PAMR1: variants seen among roughly 807,000 people sequenced by gnomAD.
PAMR1 encodes peptidase domain containing associated with muscle regeneration 1, also known as inactive serine protease PAMR1.
In PAMR1, 88 loss-of-function variants were observed where a neutral mutation model predicts 81.8. The observed-to-expected ratio is 1.08, with a 90% CI of 0.91 to 1.28. The LOEUF (loss-of-function observed/expected upper bound fraction) is 1.28. Among genes scored for constraint, PAMR1 ranks in the 50% most tolerant of loss-of-function variants. The pLI is 0.00. For synonymous variants in PAMR1, 336 were observed against 345.3 expected, an observed-to-expected ratio of 0.97 and a Z score of 0.30; for missense variants, 935 against 919.7, an observed-to-expected ratio of 1.02 and a Z score of -0.21.
intron 1 of PAMR1, among the ~76,000 whole-genome samples, chr11:35,516,916 G>A (rs1435142620): frequency 3.9e-5 from 6 of 152,098 alleles, no homozygotes; most frequent in Admixed American, 3.3e-4. Context: ...ACAAATAATC[G>A]CAAGGGATTA....
Position 35,520,491 on chromosome 11 carries a change from A to C in PAMR1, c.73+5022T>G, listed in dbSNP as rs57475074. On this transcript the variant is annotated intron_variant, in intron 1 of 10. Transcript: ENST00000619888. ...GACAAACAGAATTCCTTAAACATAG[A>C]CCAGGCTTGGAATCTAATAGAGTTT... is the stretch of plus-strand genomic sequence containing the variant. Among the ~76,000 whole-genome samples, 811 of 152,290 alleles carry C rather than the reference A, an allele frequency of 5.3e-3. 7 individuals carry two copies. Among genetic ancestry groups the C allele is most frequent in the African/African-American group, 0.019 (784 of 41,546 alleles).
intron 3 of PAMR1, among the ~76,000 whole-genome samples, chr11:35,479,428 T>C (rs1850342071): frequency 1.3e-5 from 2 of 152,218 alleles, no homozygotes; most frequent in South Asian, 4.1e-4. Flanking sequence ...TTAAATGAGA[T>C]ATTGTATGTA....
intron 6 of PAMR1, among the ~76,000 whole-genome samples, chr11:35,466,760 T>C (rs1316898804): frequency 4.2e-5 from 6 of 144,076 alleles, no homozygotes. Flanking sequence ...AAAACATTAG[T>C]GAAAATTAAT....
intron 1 of PAMR1, among the ~76,000 whole-genome samples, chr11:35,507,050 T>C (rs1258194141): frequency 2.1e-5 from 3 of 140,680 alleles, no homozygotes; most frequent in African/African-American, 8.0e-5. Context: ...TTTTTTTTTT[T>C]TTTTTTTTTT....
intron 6 of PAMR1, among the ~76,000 whole-genome samples, chr11:35,453,838 C>T (rs1856471025): frequency 6.6e-6 from 1 of 152,142 alleles, no homozygotes; most frequent in Non-Finnish European, 1.5e-5. Context: ...CAAGGTCCTG[C>T]TTCACTAAGT....
chr11:35,500,151 C>G (rs2135407389), intron 1 of PAMR1, among the ~76,000 whole-genome samples: 1 of 152,330 alleles, frequency 6.6e-6, no homozygotes, highest in African/African-American at 2.4e-5. Context: ...TTTTAGACTT[C>G]TGACCTTCAC....
chr11:35,519,412 A>G (rs1760311), intron 1 of PAMR1, among the ~76,000 whole-genome samples: 94,949 of 149,720 alleles, frequency 0.63, 31,062 homozygotes, highest in East Asian at 0.97. Flanking sequence ...AGGAGCAGAC[A>G]TACACAATGT....
upstream of PAMR1, among the ~76,000 whole-genome samples, chr11:35,527,308 G>A (rs1851409369): frequency 6.6e-6 from 1 of 152,162 alleles, no homozygotes; most frequent in African/African-American, 2.4e-5. Flanking sequence ...AACCTACTTT[G>A]TAGATCACTG....
chr11:35,463,386 T>G (rs1436067928), intron 6 of PAMR1, among the ~76,000 whole-genome samples: 3 of 152,236 alleles, frequency 2.0e-5, no homozygotes, highest in African/African-American at 7.2e-5. Context: ...GTTAGCCTGT[T>G]TCATCGTCCT....
intron 8 of PAMR1, among the ~76,000 whole-genome samples, chr11:35,436,488 T>C (rs1164921638): frequency 6.6e-6 from 1 of 152,202 alleles, no homozygotes; most frequent in Admixed American, 6.5e-5. Context: ...TTTCATCATG[T>C]TGTCCAGGCA....
rs144144764 is a variant in PAMR1, at chr11:35,470,745, G to A, written c.568C>T (p.Arg190Cys). The change falls in exon 5 of 11, where the codon CGC (arginine) becomes TGC (cysteine). Residue 190 changes from arginine to cysteine, a missense_variant. Coordinates refer to ENST00000619888, the MANE Select transcript of PAMR1 (RefSeq NM_001001991.3). ...DYVEVRDGDNRDGQIIKRVCG... is the reference protein window; with the variant it reads ...DYVEVRDGDNCDGQIIKRVCG... Reference sequence around the variant, plus strand: ...ACACGCTTGATGATCTGGCCATCGCGGTTGTCTCCATCACGAACCTCAACA... The same window carrying A: ...ACACGCTTGATGATCTGGCCATCGCAGTTGTCTCCATCACGAACCTCAACA... 814 of 1,613,962 alleles carry A rather than the reference G, an allele frequency of 5.0e-4. No homozygotes were observed. The highest frequency in any genetic ancestry group is 5.3e-4 in the Non-Finnish European group (623 of 1,179,988).
chr11:35,498,554 A>G (rs1278859903), intron 1 of PAMR1, among the ~76,000 whole-genome samples: 3 of 152,242 alleles, frequency 2.0e-5, no homozygotes, highest in Non-Finnish European at 4.4e-5. Flanking sequence ...ATATTTCTCA[A>G]GGATATGGTT....
intron 1 of PAMR1, among the ~76,000 whole-genome samples, chr11:35,522,094 T>C (rs540868862): frequency 6.6e-6 from 1 of 152,226 alleles, no homozygotes; most frequent in East Asian, 1.9e-4. Flanking sequence ...AGCTAATTTT[T>C]TGTATTTTTA....
At chr11:35,502,056 G>A (rs566611848) in intron 1 of PAMR1, among the ~76,000 whole-genome samples, 43 of 152,010 alleles carry the variant, frequency 2.8e-4, no homozygotes, top group Non-Finnish European at 6.2e-4. Flanking sequence ...CTGTACCAGG[G>A]TCCCTCTTTA....
chr11:35,488,026 C>T lies in PAMR1; in HGVS notation c.379+4019G>A, dbSNP rs142521231. Among the ~76,000 whole-genome samples, 547 of 152,188 alleles carry T rather than the reference C, an allele frequency of 3.6e-3. 1 individual carries two copies. The highest frequency in any genetic ancestry group is 0.012 in the African/African-American group (498 of 41,520). ...TCAGCCTAGGACAGAAAAGGAAGCTCCCTCTCCTTTAACTCTCACTTTTGT... is the reference window on the plus strand; with the variant it reads ...TCAGCCTAGGACAGAAAAGGAAGCTTCCTCTCCTTTAACTCTCACTTTTGT... On this transcript the variant is annotated intron_variant, in intron 3 of 10. Transcript: ENST00000619888.
intron 6 of PAMR1, among the ~76,000 whole-genome samples, chr11:35,449,405 C>A (rs946212120): frequency 1.3e-5 from 2 of 152,200 alleles, no homozygotes; most frequent in Admixed American, 6.5e-5. Context: ...TGTCCGTAAA[C>A]CCCTGGCTGG....
Position 35,439,682 on chromosome 11 carries a change from G to T in PAMR1, c.1045C>A (p.Pro349Thr). ...CTTCTCACCAGGTCTGAAATCTTTG[G>T]TTCTCGGCAGGCTAGAAATAAAAAA... is the stretch of plus-strand genomic sequence containing the variant. Reference protein sequence around the residue: ...QPICIKACREPKISDLVRRRV... With the variant: ...QPICIKACRETKISDLVRRRV... Residue 349 changes from proline (P) to threonine (T), a missense_variant, in exon 8 of 11, where the codon CCA becomes ACA. Coordinates refer to ENST00000619888, the MANE Select transcript of PAMR1 (RefSeq NM_001001991.3). 1 of 1,613,576 alleles carries T rather than the reference G, an allele frequency of 6.2e-7. No homozygotes were observed. Among genetic ancestry groups the T allele is most frequent in the Non-Finnish European group, 8.5e-7 (1 of 1,179,532 alleles).
At chr11:35,481,887 T>G (rs1050894262) in intron 3 of PAMR1, among the ~76,000 whole-genome samples, 1 of 152,282 alleles carries the variant, frequency 6.6e-6, no homozygotes, top group East Asian at 1.9e-4. Context: ...GGGTTGTTTG[T>G]TTTTTTCTTG....
At chr11:35,490,300 C>T (rs577941559) in intron 3 of PAMR1, among the ~76,000 whole-genome samples, 222 of 152,262 alleles carry the variant, frequency 1.5e-3, no homozygotes, top group Non-Finnish European at 2.6e-3. Flanking sequence ...ATATCAAAGG[C>T]GTGATCACAC....
Sources: allele counts gnomAD v4.1 joint callset (sites outside exome capture counted in the v4.1 genomes callset), GRCh38; gene constraint gnomAD v4.1.1; transcripts MANE v1.5; gene names NCBI Gene and HGNC (gene_info 2026-07-23, HGNC 2026-07-21).